KIAA0753: variants seen among roughly 807,000 people sequenced by gnomAD.
KIAA0753 encodes the protein KIAA0753, also known as protein moonraker.
A neutral mutation model predicts 116.9 loss-of-function variants in KIAA0753; 114 were observed. The ratio of observed to expected loss-of-function variants is 0.98; its 90% CI spans 0.84 to 1.14. KIAA0753 has a LOEUF of 1.14. Ranked by LOEUF, KIAA0753 falls within the 50% of genes most tolerant of loss-of-function variation. The pLI is 0.00. For missense variants in KIAA0753, 1,156 were observed against 1,172.4 expected (o/e 0.99, Z 0.20); for synonymous variants, 405 against 413.1 (o/e 0.98, Z 0.24).
intron 16 of KIAA0753, among the ~76,000 whole-genome samples, chr17:6,592,818 T>C (rs958981279): frequency 2.0e-5 from 3 of 152,028 alleles, no homozygotes; most frequent in East Asian, 1.9e-4. Flanking sequence ...TTAGACTTTA[T>C]CAAAATTAAA....
At chr17:6,586,076 A>C (rs1200997251) in intron 18 of KIAA0753, among the ~76,000 whole-genome samples, 3 of 151,950 alleles carry the variant, frequency 2.0e-5, no homozygotes, top group Non-Finnish European at 2.9e-5. Context: ...TTTCTTCATG[A>C]TAGTGAGTTC....
chr17:6,596,742 A>C (rs16955963), intron 14 of KIAA0753, among the ~76,000 whole-genome samples: 14,526 of 152,210 alleles, frequency 0.095, 1,466 homozygotes, highest in African/African-American at 0.25. Context: ...CTTCTGTGAA[A>C]ACGTCTGCTC....
intron 12 of KIAA0753, among the ~76,000 whole-genome samples, chr17:6,603,251 A>C (rs1200900778): frequency 6.6e-6 from 1 of 152,152 alleles, no homozygotes; most frequent in African/African-American, 2.4e-5. Flanking sequence ...AGAAACAGAG[A>C]ATAGAGAAAA....
In KIAA0753 at chr17:6,579,051, A is replaced by T. The variant is rs556203881; in HGVS notation, c.*696T>A. 1 of 152,022 alleles carries T rather than the reference A, an allele frequency of 6.6e-6. No homozygotes were observed. Among genetic ancestry groups the T allele is most frequent in the Admixed American group, 6.6e-5 (1 of 15,214 alleles). 9.4% of individuals were successfully genotyped at this position (152,022 alleles called of 1,614,324 possible). A position where few individuals can be genotyped will look rare whatever the true frequency, so the allele number is the denominator to read the frequency against. ...CCTCAAACTTCCTCTGAATCCAGAG[A>T]AAGTTTTTTATACCAGATTGTGTCA... On this transcript the variant is annotated 3_prime_UTR_variant, in exon 19 of 19. Transcript: ENST00000361413.
At chr17:6,593,178 CA>C (rs551222308) in intron 16 of KIAA0753, among the ~76,000 whole-genome samples, 10 of 150,726 alleles carry the variant, frequency 6.6e-5, no homozygotes, top group African/African-American at 2.2e-4. Flanking sequence ...CAAGCAACCC[CA>C]AAAAAAAACT....
chr17:6,611,850 A>G, intron 8 of KIAA0753, 69 bp downstream of exon 8: 2 of 1,283,038 alleles, frequency 1.6e-6, no homozygotes, highest in South Asian at 2.5e-5. Context: ...TCCACCATAT[A>G]CCAGTTTATG....
At chr17:6,613,559 G>A (rs1970689986) in intron 7 of KIAA0753, among the ~76,000 whole-genome samples, 1 of 152,116 alleles carries the variant, frequency 6.6e-6, no homozygotes, top group South Asian at 2.1e-4. Flanking sequence ...GGCAGTGTGG[G>A]AGTGATGCAA....
At chr17:6,624,260 C>G (rs1397472737) in intron 4 of KIAA0753, among the ~76,000 whole-genome samples, 1 of 152,114 alleles carries the variant, frequency 6.6e-6, no homozygotes, top group Admixed American at 6.6e-5. Context: ...TTAACATGGT[C>G]TTTACTCTTT....
chr17:6,635,130 G>A lies in KIAA0753; in HGVS notation c.-27C>T, dbSNP rs1469099054. ...ATGTCAGGTAGTACAGAACAATAGT[G>A]ACAGCCTTGTCATCCGGCAACAGTC... On this transcript the variant is annotated 5_prime_UTR_variant, in exon 2 of 19. Transcript: ENST00000361413. 6.6e-7 allele frequency: 1 copy of A among 1,518,386 alleles called. No homozygotes were observed. Among genetic ancestry groups the A allele is most frequent in the East Asian group, 2.3e-5 (1 of 44,416 alleles). 94.1% of individuals were successfully genotyped at this position (1,518,386 alleles called of 1,614,324 possible). A position where few individuals can be genotyped will look rare whatever the true frequency, so the allele number is the denominator to read the frequency against.
rs1442854738 is a variant in KIAA0753, at chr17:6,578,504, A to G, written c.*1243T>C. On this transcript the variant is annotated 3_prime_UTR_variant, in exon 19 of 19. Transcript: ENST00000361413. ...TACATTCTGAAGTTATATAAAATTA[A>G]GCAGGAAAACATTAACATTAAATGA... The G allele has an allele frequency of 6.6e-6, 1 of 152,226 alleles. No homozygotes were observed. The highest frequency in any genetic ancestry group is 2.4e-5 in the African/African-American group (1 of 41,450). 9.4% of individuals were successfully genotyped at this position (152,226 alleles called of 1,614,324 possible).
In KIAA0753 at chr17:6,622,820, C is replaced by T. The variant is rs927996547; in HGVS notation, c.1104+62G>A. On this transcript the variant is annotated intron_variant, in intron 6 of 18. Transcript: ENST00000361413. The stretch of plus-strand genomic sequence containing the variant: ...GTATTCTCCATAAATCCTAACGAAA[C>T]TAGGTAATAGTAAGCATTACTTCCA... The T allele has an allele frequency of 3.6e-6, 5 of 1,385,654 alleles. No individual in the cohort carries two copies. The African/African-American group carries it at 7.1e-5, about 20-fold the overall frequency. The allele number at this position is 1,385,654 out of a possible 1,614,324, so 85.8% of individuals were successfully genotyped here. A position where few individuals can be genotyped will look rare whatever the true frequency, so the allele number is the denominator to read the frequency against.
chr17:6,583,226 G>A (rs1968320083), intron 18 of KIAA0753, among the ~76,000 whole-genome samples: 1 of 152,198 alleles, frequency 6.6e-6, no homozygotes, highest in African/African-American at 2.4e-5. Flanking sequence ...TTTAAAAGAT[G>A]CCAGGTCTTC....
intron 18 of KIAA0753, among the ~76,000 whole-genome samples, chr17:6,583,582 T>C (rs1199361662): frequency 1.3e-5 from 2 of 152,226 alleles, no homozygotes; most frequent in Admixed American, 1.3e-4. Flanking sequence ...TATTTTCTTC[T>C]GTCCTATGTT....
At chr17:6,611,345 G>A (rs1018484340) in intron 8 of KIAA0753, among the ~76,000 whole-genome samples, 3 of 151,954 alleles carry the variant, frequency 2.0e-5, no homozygotes, top group African/African-American at 4.8e-5. Flanking sequence ...CTGTTGCCCA[G>A]GCTGGAGTAC....
chr17:6,628,406 C>G lies in KIAA0753; in HGVS notation c.429G>C (p.Arg143Ser). 1.9e-6 allele frequency: 3 copies of G among 1,614,164 alleles called. No homozygotes were observed. The highest frequency in any genetic ancestry group is 1.1e-5 in the South Asian group (1 of 91,076). Residue 143 changes from arginine to serine, a missense_variant, in exon 3 of 19, where the codon AGG becomes AGC. Coordinates refer to ENST00000361413, the MANE Select transcript of KIAA0753 (RefSeq NM_014804.3). ...GACTCTTTGATTCCTTCCTTTCCAC[C>G]CTGTGGTCGGGTATTTTATACTTAG... ...GHTKYKIPDH[R>S]VERKESKSQA...
chr17:6,608,437 G>A lies in KIAA0753; in HGVS notation c.1740C>T (p.Ser580=). Residue 580 remains serine (S), a synonymous_variant, in exon 10 of 19, where the codon AGC becomes AGT. Transcript: ENST00000361413. ...KCAAWLKVKT[S]PRDATKEPLQ... ...GAGGCTCTTTTGTGGCATCTCTGGG[G>A]CTAGTTTTCACCTTTAGCCATGCAG... is the stretch of plus-strand genomic sequence containing the variant. 3.9e-6 allele frequency: 6 copies of A among 1,557,982 alleles called. No individual in the cohort carries two copies. Among genetic ancestry groups the A allele is most frequent in the Non-Finnish European group, 5.2e-6 (6 of 1,147,082 alleles).
chr17:6,621,362 G>C (rs1001719270), intron 6 of KIAA0753, among the ~76,000 whole-genome samples: 1 of 152,144 alleles, frequency 6.6e-6, no homozygotes, highest in African/African-American at 2.4e-5. Flanking sequence ...CATAAACTCA[G>C]TCTTTTAAGT....
intron 18 of KIAA0753, among the ~76,000 whole-genome samples, chr17:6,580,675 G>A (rs578008136): frequency 2.5e-4 from 38 of 152,206 alleles, no homozygotes; most frequent in African/African-American, 8.9e-4. Flanking sequence ...ACAGAAGGAT[G>A]GTGGTGCTTA....
intron 7 of KIAA0753, among the ~76,000 whole-genome samples, chr17:6,617,129 C>T (rs1329589603): frequency 6.6e-6 from 1 of 152,198 alleles, no homozygotes; most frequent in East Asian, 1.9e-4. Context: ...TCAAAATGAG[C>T]TCCCTAGCAC....
Sources: allele counts gnomAD v4.1 joint callset (sites outside exome capture counted in the v4.1 genomes callset), GRCh38; gene constraint gnomAD v4.1.1; transcripts MANE v1.5; gene names NCBI Gene and HGNC (gene_info 2026-07-23, HGNC 2026-07-21).